MAP3K4: variants seen among roughly 807,000 people sequenced by gnomAD.
The protein encoded by MAP3K4 is mitogen-activated protein kinase kinase kinase 4.
A neutral mutation model predicts 185.6 loss-of-function variants in MAP3K4; 67 were observed. The ratio of observed to expected loss-of-function variants is 0.36; its 90% CI spans 0.30 to 0.44. MAP3K4 has a LOEUF of 0.44. Among genes scored for constraint, MAP3K4 ranks in the 20% least tolerant of loss-of-function variants. MAP3K4 has a pLI of 1.00. For missense variants in MAP3K4, 1,551 were observed against 1,995.1 expected (o/e 0.78, Z 4.24); for synonymous variants, 702 against 710.4 (o/e 0.99, Z 0.19).
At chr6:161,005,341 C>T (rs1042177923) in intron 1 of MAP3K4, among the ~76,000 whole-genome samples, 12 of 151,854 alleles carry the variant, frequency 7.9e-5, no homozygotes, top group Admixed American at 2.6e-4. Flanking sequence ...GGTTTCTCCA[C>T]GTTGCCCAGA....
chr6:161,063,114 CT>C lies in MAP3K4; in HGVS notation c.1708-7492del, dbSNP rs1447103859. Among the ~76,000 whole-genome samples, 1 of 151,792 alleles carries C rather than the reference CT, an allele frequency of 6.6e-6. No homozygotes were observed. The highest frequency in any genetic ancestry group is 1.5e-5 in the Non-Finnish European group (1 of 67,952). The stretch of plus-strand genomic sequence containing the variant: ...GCATTATCTGTTCTGTTTATTTGCT[CT>C]TATGTGCCTTCTAGTTTGTTTTTGA... On this transcript the variant is annotated intron_variant, in intron 3 of 26. Transcript: ENST00000392142. This position sits in a 1 kb window ranked among gnomAD's most constrained non-coding sequence, Gnocchi z 5.4.
chr6:161,115,677 T>G lies in MAP3K4; in HGVS notation c.4806+375T>G, dbSNP rs1423300822. Among the ~76,000 whole-genome samples, 1 of 152,172 alleles carries G rather than the reference T, an allele frequency of 6.6e-6. No homozygotes were observed. Among genetic ancestry groups the G allele is most frequent in the Non-Finnish European group, 1.5e-5 (1 of 68,022 alleles). ...TATATAAGGTTACTCAGAAGAGGAA[T>G]TTAATTAAGTCAGCCAATCTCAGTT... is the stretch of plus-strand genomic sequence containing the variant. On this transcript the variant is annotated intron_variant, in intron 26 of 26. Transcript: ENST00000392142. This position sits in a 1 kb window ranked among gnomAD's most constrained non-coding sequence, Gnocchi z 6.0.
Position 161,110,050 on chromosome 6 carries a change from T to A in MAP3K4, c.4396+136T>A. ...AATACCTTTCATTGAAATACGCCTCTATAAGGATCCTGTATTCAGAAACAA... is the reference window on the plus strand; with the variant it reads ...AATACCTTTCATTGAAATACGCCTCAATAAGGATCCTGTATTCAGAAACAA... On this transcript the variant is annotated intron_variant, in intron 23 of 26. Coordinates refer to ENST00000392142, the MANE Select transcript of MAP3K4 (RefSeq NM_005922.4). This position sits in a 1 kb window ranked among gnomAD's most constrained non-coding sequence, Gnocchi z 4.8. 1.1e-6 allele frequency: 1 copy of A among 892,636 alleles called. No homozygotes were observed. Among genetic ancestry groups the A allele is most frequent in the Non-Finnish European group, 1.7e-6 (1 of 583,242 alleles). 55.3% of individuals were successfully genotyped at this position (892,636 alleles called of 1,614,324 possible). A position where few individuals can be genotyped will look rare whatever the true frequency, so the allele number is the denominator to read the frequency against.
chr6:161,004,034 C>T (rs1380298294), intron 1 of MAP3K4, among the ~76,000 whole-genome samples: 1 of 151,790 alleles, frequency 6.6e-6, no homozygotes, highest in Non-Finnish European at 1.5e-5. Flanking sequence ...CTGATATATG[C>T]CAACAATATA....
Position 161,110,973 on chromosome 6 carries a change from A to G in MAP3K4, c.4397-863A>G, listed in dbSNP as rs1778320498. ...CGTGGCAGGAAGAGACTCCCTTAGA[A>G]TCTGAAGCAGGTCAGCTCACTGGTG... On this transcript the variant is annotated intron_variant, in intron 23 of 26. Coordinates refer to ENST00000392142, the MANE Select transcript of MAP3K4 (RefSeq NM_005922.4). This position sits in a 1 kb window ranked among gnomAD's most constrained non-coding sequence, Gnocchi z 4.8. 6.6e-6 allele frequency among the ~76,000 whole-genome samples: 1 copy of G among 152,194 alleles called. No homozygotes were observed. The highest frequency in any genetic ancestry group is 1.5e-5 in the Non-Finnish European group (1 of 68,026).
At chr6:161,010,731 A>C (rs1562479318) in intron 1 of MAP3K4, among the ~76,000 whole-genome samples, 1 of 152,254 alleles carries the variant, frequency 6.6e-6, no homozygotes, top group African/African-American at 2.4e-5. Flanking sequence ...AGTTTAAAGA[A>C]GAATTTATCC....
chr6:161,099,715 CAT>C (rs1165973029), intron 17 of MAP3K4, among the ~76,000 whole-genome samples: 8 of 152,230 alleles, frequency 5.3e-5, no homozygotes, highest in African/African-American at 1.9e-4. Context: ...TCCATGTTCA[CAT>C]GAGACTGCTC....
chr6:161,108,013 G>T lies in MAP3K4; in HGVS notation c.4119+44G>T. On this transcript the variant is annotated intron_variant, in intron 21 of 26. Coordinates refer to ENST00000392142, the MANE Select transcript of MAP3K4 (RefSeq NM_005922.4). This position sits in a 1 kb window ranked among gnomAD's most constrained non-coding sequence, Gnocchi z 5.7. ...TGGGGCCTTTGGGCCTGGCGGCTCTGGGTGATAGAAATTCCGTATAGACGC... is the reference window on the plus strand; with the variant it reads ...TGGGGCCTTTGGGCCTGGCGGCTCTTGGTGATAGAAATTCCGTATAGACGC... The T allele has an allele frequency of 6.4e-7, 1 of 1,570,588 alleles. No homozygotes were observed. The highest frequency in any genetic ancestry group is 8.7e-7 in the Non-Finnish European group (1 of 1,144,392).
rs1785102128 is a variant in MAP3K4, at chr6:161,074,884, G to C, written c.2097+1272G>C. Among the ~76,000 whole-genome samples the C allele has an allele frequency of 6.6e-6, 1 of 152,152 alleles. No individual in the cohort carries two copies. On this transcript the variant is annotated intron_variant, in intron 5 of 26. Coordinates refer to ENST00000392142, the MANE Select transcript of MAP3K4 (RefSeq NM_005922.4). The surrounding 1 kb of genome is among the most constrained non-coding windows in gnomAD (Gnocchi z 5.0). ...GCTAAGTCCAGACCTTTTTATCAGAGCAATAGGAGCTCTCCTGGCAACCCC... is the reference window on the plus strand; with the variant it reads ...GCTAAGTCCAGACCTTTTTATCAGACCAATAGGAGCTCTCCTGGCAACCCC...
intron 3 of MAP3K4, among the ~76,000 whole-genome samples, chr6:161,068,536 G>C (rs943194666): frequency 8.2e-4 from 125 of 152,308 alleles, no homozygotes; most frequent in African/African-American, 2.9e-3. Context: ...TGACACTTAG[G>C]GCTGTCAGTG....
rs756139260 is a variant in MAP3K4, at chr6:161,115,334, G to GT, written c.4806+35dup. The GT allele has an allele frequency of 1.9e-6, 3 of 1,561,274 alleles. No individual in the cohort carries two copies. Among genetic ancestry groups the GT allele is most frequent in the African/African-American group, 1.4e-5 (1 of 73,506 alleles). Reference sequence around the variant, plus strand: ...CAGATTACTGGATAGTCTTTTTCATGTTTAAGTGTTTAAGTTCTGTTTTGC... The same window carrying GT: ...CAGATTACTGGATAGTCTTTTTCATGTTTTAAGTGTTTAAGTTCTGTTTTGC... On this transcript the variant is annotated intron_variant, in intron 26 of 26. Transcript: ENST00000392142. The surrounding 1 kb of genome is among the most constrained non-coding windows in gnomAD (Gnocchi z 6.0).
chr6:160,994,026 A>T (rs1780874831), intron 1 of MAP3K4, among the ~76,000 whole-genome samples: 1 of 151,980 alleles, frequency 6.6e-6, no homozygotes, highest in Non-Finnish European at 1.5e-5. Context: ...TTGGTAAAAG[A>T]TGTAGGGGGT....
chr6:161,097,176 G>A lies in MAP3K4; in HGVS notation c.3524G>A (p.Ser1175Asn), dbSNP rs1212491070. ...HLIIPTPEGF[S>N]TRSMPSDARS... ...ATTATCCCCACTCCAGAGGGATTCA[G>A]GTATTTGGTGCTTATCTAGTCATTT... is the stretch of plus-strand genomic sequence containing the variant. The change falls in exon 16 of 27, where the codon AGC (serine) becomes AAC (asparagine). Residue 1175 changes from serine (S) to asparagine (N), a missense_variant and splice_region_variant. Ser to Asn is a conservative substitution (Grantham distance 46). This residue lies in a region of MAP3K4 where 272 missense variants were observed against 301.2 expected (regional missense o/e 0.90). Coordinates refer to ENST00000392142, the MANE Select transcript of MAP3K4 (RefSeq NM_005922.4). This position sits in a 1 kb window ranked among gnomAD's most constrained non-coding sequence, Gnocchi z 4.9. 2 of 1,613,494 alleles carry A rather than the reference G, an allele frequency of 1.2e-6. No homozygotes were observed. Among genetic ancestry groups the A allele is most frequent in the Non-Finnish European group, 1.7e-6 (2 of 1,179,640 alleles).
rs138026239 is a variant in MAP3K4 at position 161,052,359 on chromosome 6, TGTA to T, written c.1707+2383_1707+2385del. ...CAGAGTTCTGAATTCTCATCTGAGT[TGTA>T]GTTCTTTGGTTTGACCAATTGAGAT... On this transcript the variant is annotated intron_variant, in intron 3 of 26. Transcript: ENST00000392142. Among the ~76,000 whole-genome samples the T allele has an allele frequency of 7.9e-3, 1,210 of 152,328 alleles. 15 individuals are homozygous for T. The highest frequency in any genetic ancestry group is 0.027 in the African/African-American group (1,130 of 41,564).
In MAP3K4 at chr6:161,077,441, A is replaced by G. The variant is rs1291180174; in HGVS notation, c.2098-3440A>G. ...CCTCTTTGCTTTTTAACTTATAAAG[A>G]GAGGGATCAAGAGAAGCCCCTTTTT... is the stretch of plus-strand genomic sequence containing the variant. On this transcript the variant is annotated intron_variant, in intron 5 of 26. Transcript: ENST00000392142. This position sits in a 1 kb window ranked among gnomAD's most constrained non-coding sequence, Gnocchi z 4.3. Among the ~76,000 whole-genome samples, 1 of 152,176 alleles carries G rather than the reference A, an allele frequency of 6.6e-6. No individual in the cohort carries two copies. Among genetic ancestry groups the G allele is most frequent in the East Asian group, 1.9e-4 (1 of 5,198 alleles).
Position 161,093,713 on chromosome 6 carries a change from C to A in MAP3K4, c.3349-60C>A. 2 of 955,402 alleles carry A rather than the reference C, an allele frequency of 2.1e-6. No individual in the cohort carries two copies. Among genetic ancestry groups the A allele is most frequent in the Non-Finnish European group, 3.3e-6 (2 of 601,580 alleles). The allele number at this position is 955,402 out of a possible 1,614,324, so 59.2% of individuals were successfully genotyped here. On this transcript the variant is annotated intron_variant, in intron 14 of 26. Coordinates refer to ENST00000392142, the MANE Select transcript of MAP3K4 (RefSeq NM_005922.4). This position sits in a 1 kb window ranked among gnomAD's most constrained non-coding sequence, Gnocchi z 5.2. ...ACTGAAAATTAATTTGTGCTACTTA[C>A]ATAATTAAGAAAGTATGCATGTTTT...
In MAP3K4 at chr6:161,049,945, G is replaced by A. The variant is rs145715446; in HGVS notation, c.1673G>A (p.Arg558His). Residue 558 changes from arginine (R) to histidine (H), a missense_variant, in exon 3 of 27, where the codon CGT (arginine) becomes CAT (histidine). By Grantham distance (29) the Arg-to-His change is conservative. Coordinates refer to ENST00000392142, the MANE Select transcript of MAP3K4 (RefSeq NM_005922.4). The surrounding 1 kb of genome is among the most constrained non-coding windows in gnomAD (Gnocchi z 8.4). ...KLMDGSLQRA[R>H]IALVKNDRPV... ...ATGGATGGTTCCTTGCAAAGGGCACGTATAGCATTGGTAAAGAACGATCGT... is the reference window on the plus strand; with the variant it reads ...ATGGATGGTTCCTTGCAAAGGGCACATATAGCATTGGTAAAGAACGATCGT... The A allele has an allele frequency of 1.1e-5, 17 of 1,613,066 alleles. No homozygotes were observed. In the African/African-American group the frequency reaches 1.2e-4, roughly 11 times the overall value.
chr6:161,019,738 T>C (rs187060285), intron 1 of MAP3K4, among the ~76,000 whole-genome samples: 1 of 152,292 alleles, frequency 6.6e-6, no homozygotes, highest in African/African-American at 2.4e-5. Context: ...TTTTTTATTG[T>C]GTTTAGTCGT....
intron 1 of MAP3K4, among the ~76,000 whole-genome samples, chr6:161,025,675 C>T (rs979406072): frequency 7.2e-5 from 11 of 152,142 alleles, no homozygotes; most frequent in Admixed American, 5.9e-4. Context: ...AATGTTTTTT[C>T]CACAAGTAAA....
Sources: allele counts gnomAD v4.1 joint callset (sites outside exome capture counted in the v4.1 genomes callset), GRCh38; gene constraint gnomAD v4.1.1; regional missense constraint gnomAD v4.1.1; non-coding constraint Gnocchi (gnomAD v3.1); transcripts MANE v1.5; gene names NCBI Gene and HGNC (gene_info 2026-07-23, HGNC 2026-07-21).